The following AMPD3 variants were observed in gnomAD, a reference collection of about 807,000 sequenced individuals.
AMPD3 encodes AMP deaminase 3.
In AMPD3, 57 loss-of-function variants were observed where a neutral mutation model predicts 82.3. The ratio of observed to expected loss-of-function variants is 0.69; its 90% CI spans 0.56 to 0.86. AMPD3 has a LOEUF of 0.86. AMPD3 is among the 40% of genes least tolerant of loss of function. The pLI, the probability that AMPD3 is intolerant of heterozygous loss-of-function variation, is 0.00. For synonymous variants in AMPD3, 381 were observed against 394.7 expected, an observed-to-expected ratio of 0.97 and a Z score of 0.41; for missense variants, 870 against 1,003.8, an observed-to-expected ratio of 0.87 and a Z score of 1.80.
intron 4 of AMPD3, 112 bp from the exon 5 acceptor site, chr11:10,484,708 G>T (rs10770119): frequency 0.58 from 785,823 of 1,355,856 alleles, 230,687 homozygotes; most frequent in Admixed American, 0.71. Context: ...TGCGGGGCCG[G>T]CGCAGGGTTG....
chr11:10,487,132 C>G, intron 5 of AMPD3, 103 bp from the exon 6 acceptor site: 1 of 1,593,920 alleles, frequency 6.3e-7, no homozygotes, highest in South Asian at 1.1e-5. Flanking sequence ...CTGCTCCGTC[C>G]TGACCCTTCC....
At chr11:10,454,982 C>G, upstream of AMPD3, 1 of 251,598 alleles carries the variant, frequency 4.0e-6, no homozygotes, top group South Asian at 1.5e-4. Context: ...AGCAGCAGCC[C>G]GAGGATCATG....
chr11:10,450,510 C>G (rs1170953303), upstream of AMPD3: 29 of 985,924 alleles, frequency 2.9e-5, no homozygotes, highest in Middle Eastern at 2.1e-3. Context: ...GAGGGGAGGA[C>G]GTCGGGCAAG....
rs752020462 is a variant in AMPD3, at chr11:10,502,706, G to A, written c.1843-15G>A. The A allele has an allele frequency of 3.1e-6, 5 of 1,613,908 alleles. No individual in the cohort carries two copies. Among genetic ancestry groups the A allele is most frequent in the East Asian group, 4.5e-5 (2 of 44,880 alleles). On this transcript the variant is annotated splice_polypyrimidine_tract_variant and intron_variant, in intron 12 of 14. Transcript: ENST00000396553. ...CTCTGGCACTTGTCACATGAGTTCG[G>A]TGGTTCTTTTGCAGAGTCCGGTATT...
upstream of AMPD3, chr11:10,450,736 C>T: frequency 8.9e-7 from 1 of 1,129,904 alleles, no homozygotes; most frequent in Non-Finnish European, 1.1e-6. Context: ...GGTAGCCTCT[C>T]GGCTCTCTCT....
chr11:10,500,242 C>T lies in AMPD3; in HGVS notation c.1714C>T (p.Leu572Phe). 5.6e-6 allele frequency: 9 copies of T among 1,614,246 alleles called. No individual in the cohort carries two copies. Among genetic ancestry groups the T allele is most frequent in the Non-Finnish European group, 7.6e-6 (9 of 1,180,046 alleles). Residue 572 changes from leucine to phenylalanine, a missense_variant, in exon 11 of 15, where the codon CTC (leucine) becomes TTC (phenylalanine). Coordinates refer to ENST00000396553, the MANE Select transcript of AMPD3 (RefSeq NM_001025389.2). ...MYANIMVLNN[L>F]RRERGLSTFL... ...TGCCAACATCATGGTGCTCAACAACCTCCGCAGGTGCGTGAGGCCTGCCCT... is the reference window on the plus strand; with the variant it reads ...TGCCAACATCATGGTGCTCAACAACTTCCGCAGGTGCGTGAGGCCTGCCCT...
At chr11:10,467,151 T>C (rs1179502469) in intron 2 of AMPD3, among the ~76,000 whole-genome samples, 1 of 152,060 alleles carries the variant, frequency 6.6e-6, no homozygotes, top group Non-Finnish European at 1.5e-5. Flanking sequence ...GGAAAAAAAC[T>C]GGACAGAGAA....
intron 6 of AMPD3, chr11:10,488,158 G>GC (rs1849132318): frequency 1.0e-6 from 1 of 965,060 alleles, no homozygotes; most frequent in Admixed American, 6.2e-5. Context: ...GGGGCTCCTG[G>GC]CAGTCTCCGC....
In AMPD3 at chr11:10,482,531, G is replaced by A. The variant is rs1201577622; in HGVS notation, c.589+306G>A. Among the ~76,000 whole-genome samples the A allele has an allele frequency of 2.0e-5, 3 of 148,808 alleles. No homozygotes were observed. The South Asian group carries it at 6.4e-4, about 32-fold the overall frequency. ...GGGAATTTTTTTTTTCTTTTTTTTTGAGATGGGTCTTGCTCTGTTGCTCAG... is the reference window on the plus strand; with the variant it reads ...GGGAATTTTTTTTTTCTTTTTTTTTAAGATGGGTCTTGCTCTGTTGCTCAG... On this transcript the variant is annotated intron_variant, in intron 4 of 14. Coordinates refer to ENST00000396553, the MANE Select transcript of AMPD3 (RefSeq NM_001025389.2).
chr11:10,476,592 G>A (rs1295711218), intron 2 of AMPD3, among the ~76,000 whole-genome samples: 3 of 152,124 alleles, frequency 2.0e-5, no homozygotes, highest in African/African-American at 7.2e-5. Flanking sequence ...GAGGCATTTG[G>A]AGGTGAGGTT....
At chr11:10,471,842 G>C (rs974330118) in intron 2 of AMPD3, among the ~76,000 whole-genome samples, 2 of 152,252 alleles carry the variant, frequency 1.3e-5, no homozygotes, top group African/African-American at 4.8e-5. Flanking sequence ...CTTTTACACT[G>C]TTGGTGGGAG....
chr11:10,483,106 T>C lies in AMPD3; in HGVS notation c.589+881T>C, dbSNP rs367715089. Among the ~76,000 whole-genome samples the C allele has an allele frequency of 2.0e-5, 3 of 152,226 alleles. No homozygotes were observed. The East Asian group carries it at 5.8e-4, about 29-fold the overall frequency. ...TGAGGATTAAACAGGAGAATGCATG[T>C]GAAGTACTTAGTTCAGTTCTGGCAT... On this transcript the variant is annotated intron_variant, in intron 4 of 14. Transcript: ENST00000396553.
Position 10,502,906 on chromosome 11 carries a change from G to C in AMPD3, c.2016+12G>C, listed in dbSNP as rs777973285. On this transcript the variant is annotated intron_variant, in intron 13 of 14. Transcript: ENST00000396553. ...TCCACTACACGAAGGTAAGGACTTT[G>C]GGGTGAGGACAGTAGTGCTTCAGTA... The C allele has an allele frequency of 1.5e-5, 25 of 1,613,930 alleles. No homozygotes were observed. In the South Asian group the frequency reaches 2.6e-4, roughly 17 times the overall value.
At chr11:10,493,277 G>T in intron 6 of AMPD3, 72 bp from the exon 7 acceptor site, 1 of 1,566,110 alleles carries the variant, frequency 6.4e-7, no homozygotes, top group South Asian at 1.1e-5. Flanking sequence ...TGCACATTGA[G>T]GGTTGGATGT....
At chr11:10,453,548 G>A (rs1848012066), upstream of AMPD3, among the ~76,000 whole-genome samples, 1 of 151,974 alleles carries the variant, frequency 6.6e-6, no homozygotes, top group Admixed American at 6.6e-5. Context: ...GCTCATGCCT[G>A]GCTTTTGGGG....
At chr11:10,484,149 A>G (rs61891413) in intron 4 of AMPD3, 86,909 of 656,474 alleles carry the variant, frequency 0.13, 6,466 homozygotes, top group Non-Finnish European at 0.15. Flanking sequence ...AGATAGGCTC[A>G]GAGAGGTAAA....
intron 14 of AMPD3, chr11:10,505,007 C>T: frequency 1.9e-6 from 1 of 535,202 alleles, no homozygotes; most frequent in Non-Finnish European, 2.4e-6. Context: ...CATGTAAGCT[C>T]TGTGAGGGCA....
chr11:10,460,154 G>A (rs904837460), intron 1 of AMPD3, among the ~76,000 whole-genome samples: 2 of 150,418 alleles, frequency 1.3e-5, no homozygotes, highest in Non-Finnish European at 3.0e-5. Flanking sequence ...CTGGAGTGCA[G>A]TAGTACGATC....
chr11:10,455,146 C>G (rs1848055427), upstream of AMPD3: 1 of 985,272 alleles, frequency 1.0e-6, no homozygotes, highest in Non-Finnish European at 1.2e-6. Context: ...TTCCTGAGCT[C>G]TTCTCCCCAG....
Sources: allele counts gnomAD v4.1 joint callset (sites outside exome capture counted in the v4.1 genomes callset), GRCh38; gene constraint gnomAD v4.1.1; transcripts MANE v1.5; gene names NCBI Gene and HGNC (gene_info 2026-07-23, HGNC 2026-07-21).